The following OOEP variants were observed in gnomAD, a reference collection of about 807,000 sequenced individuals.
The protein encoded by OOEP is oocyte expressed protein.
Under a neutral mutation model 13.7 loss-of-function variants are expected in OOEP, and 16 were observed. The ratio of observed to expected loss-of-function variants is 1.16; its 90% confidence interval spans 0.79 to 1.77. The LOEUF (loss-of-function observed/expected upper bound fraction) is 1.77, where lower values mean the gene tolerates loss of function less well. Ranked by LOEUF, OOEP falls within the 40% of genes most tolerant of loss-of-function variation. The pLI is 0.00. For missense variants in OOEP, 195 were observed against 193.1 expected (o/e 1.01, Z -0.06); for synonymous variants, 89 against 77.1 (o/e 1.15, Z -0.81).
At chr6:73,373,355 C>CAAAAA, upstream of OOEP, 2 of 1,276,464 alleles carry the variant, frequency 1.6e-6, no homozygotes, top group Non-Finnish European at 2.3e-6. Context: ...GACAGGGTCT[C>CAAAAA]ACTCTGTCAC....
At chr6:73,373,292 C>T (rs966576610), upstream of OOEP, 80 of 1,574,496 alleles carry the variant, frequency 5.1e-5, 1 homozygote, top group Middle Eastern at 1.8e-4. Context: ...GAACACACCA[C>T]GATGGCGGAG....
chr6:73,383,923 C>G (rs1201633421), intron 2 of OOEP, among the ~76,000 whole-genome samples: 1 of 151,580 alleles, frequency 6.6e-6, no homozygotes, highest in Admixed American at 6.6e-5. Flanking sequence ...TAATGAAACC[C>G]CATCTCTACA....
At chr6:73,388,716 T>C (rs895780268) in intron 2 of OOEP, among the ~76,000 whole-genome samples, 1 of 152,238 alleles carries the variant, frequency 6.6e-6, no homozygotes, top group African/African-American at 2.4e-5. Context: ...CCCACATCCA[T>C]CTCACAGGAG....
upstream of OOEP, among the ~76,000 whole-genome samples, chr6:73,374,329 T>G (rs545837466): frequency 7.4e-4 from 113 of 152,312 alleles, no homozygotes; most frequent in African/African-American, 2.6e-3. Flanking sequence ...GGCCCCAGTA[T>G]GACTAGGCCC....
At chr6:73,377,137 G>A (rs1284612406) in intron 2 of OOEP, among the ~76,000 whole-genome samples, 1 of 152,182 alleles carries the variant, frequency 6.6e-6, no homozygotes, top group African/African-American at 2.4e-5. Context: ...TTATTACCAT[G>A]GGAGAGAGAA....
chr6:73,385,925 A>G (rs1769266632), intron 2 of OOEP, among the ~76,000 whole-genome samples: 1 of 152,066 alleles, frequency 6.6e-6, no homozygotes, highest in African/African-American at 2.4e-5. Flanking sequence ...ACATTATATA[A>G]GATACTTAAT....
At chr6:73,377,867 T>C (rs1769155643) in intron 2 of OOEP, among the ~76,000 whole-genome samples, 1 of 152,124 alleles carries the variant, frequency 6.6e-6, no homozygotes, top group African/African-American at 2.4e-5. Context: ...TAGAAACAAG[T>C]TCTTGCTATG....
At chr6:73,395,092 G>T in exon 1 of OOEP, 1 of 1,614,140 alleles carries the variant, frequency 6.2e-7, no homozygotes, top group Non-Finnish European at 8.5e-7. Flanking sequence ...GGCCGTGGCC[G>T]CTGGTCACGA....
intron 2 of OOEP, among the ~76,000 whole-genome samples, chr6:73,390,595 T>C (rs1344857917): frequency 4.0e-5 from 6 of 151,434 alleles, no homozygotes; most frequent in African/African-American, 1.2e-4. Flanking sequence ...TTTTTTTTTT[T>C]TTTGAGACGG....
chr6:73,371,767 A>T (rs1288125885), upstream of OOEP, among the ~76,000 whole-genome samples: 141 of 123,686 alleles, frequency 1.1e-3, 1 homozygote, highest in African/African-American at 3.7e-3. Context: ...AAAAAAAAAT[A>T]AAAATAAAAA....
chr6:73,380,645 A>C (rs1298944074), intron 2 of OOEP, among the ~76,000 whole-genome samples: 1 of 152,142 alleles, frequency 6.6e-6, no homozygotes, highest in African/African-American at 2.4e-5. Flanking sequence ...ATTACTTTGA[A>C]ATTTTCTTGA....
At position 73,369,857 on chromosome 6, in the gene OOEP, C is replaced by A. The variant is rs1582623248; in HGVS notation, c.-65G>T. 6.9e-7 allele frequency: 1 copy of A among 1,456,544 alleles called. No individual in the cohort carries two copies. Among genetic ancestry groups the A allele is most frequent in the Non-Finnish European group, 9.4e-7 (1 of 1,059,602 alleles). 90.2% of individuals were successfully genotyped at this position (1,456,544 alleles called of 1,614,324 possible). On this transcript the variant is annotated 5_prime_UTR_variant, in exon 1 of 3. Coordinates refer to ENST00000370359, the MANE Select transcript of OOEP (RefSeq NM_001080507.3). Reference sequence around the variant, plus strand: ...TCGCAAGACCTCTTCCAGACCCAGGCGCGAAGCTCGGGCTCTCTTTTACCA... The same window carrying A: ...TCGCAAGACCTCTTCCAGACCCAGGAGCGAAGCTCGGGCTCTCTTTTACCA...
chr6:73,385,210 G>A (rs1769254970), intron 2 of OOEP, among the ~76,000 whole-genome samples: 4 of 151,846 alleles, frequency 2.6e-5, no homozygotes, highest in Admixed American at 6.6e-5. Flanking sequence ...AGCCGGGTGT[G>A]GTGGCGGGTG....
chr6:73,369,371 T>C lies in OOEP; in HGVS notation c.205A>G (p.Ile69Val). 6.2e-7 allele frequency: 1 copy of C among 1,612,360 alleles called. No individual in the cohort carries two copies. The highest frequency in any genetic ancestry group is 8.5e-7 in the Non-Finnish European group (1 of 1,179,234). The change falls in exon 2 of 3, where the codon ATA becomes GTA. Residue 69 changes from isoleucine (I) to valine (V), a missense_variant. Transcript: ENST00000370359. ...ADELFGPDRA[I>V]IPEMEWTSQA... is the part of the protein sequence containing the mutation. ...CTCGTCCACTCCATTTCTGGAATTA[T>C]GGCTCGGTCTGGGCCTAAACAAGTA...
chr6:73,376,270 T>A (rs1343556367), intron 2 of OOEP, among the ~76,000 whole-genome samples: 1 of 151,944 alleles, frequency 6.6e-6, no homozygotes, highest in Non-Finnish European at 1.5e-5. Flanking sequence ...TTTCGTTTGT[T>A]TTTCTAAGTC....
chr6:73,380,173 C>T (rs570296364), intron 2 of OOEP, among the ~76,000 whole-genome samples: 39 of 151,968 alleles, frequency 2.6e-4, no homozygotes, highest in Non-Finnish European at 5.1e-4. Flanking sequence ...ATTAGTACCA[C>T]CACCAATCTC....
chr6:73,371,784 G>A (rs1769062929), upstream of OOEP, among the ~76,000 whole-genome samples: 1 of 151,286 alleles, frequency 6.6e-6, no homozygotes, highest in Admixed American at 6.6e-5. Flanking sequence ...AAAAAATTTG[G>A]CCAGTGTGTG....
upstream of OOEP, among the ~76,000 whole-genome samples, chr6:73,371,257 A>G (rs923003701): frequency 3.5e-4 from 54 of 152,310 alleles, no homozygotes; most frequent in African/African-American, 1.3e-3. Context: ...TGTGCAGGGC[A>G]TACTTACAGG....
intron 2 of OOEP, among the ~76,000 whole-genome samples, chr6:73,379,098 C>T (rs190195982): frequency 1.3e-5 from 2 of 151,850 alleles, no homozygotes; most frequent in Non-Finnish European, 2.9e-5. Flanking sequence ...GATCTCGGCT[C>T]ACTGCAACCT....
Sources: allele counts gnomAD v4.1 joint callset (sites outside exome capture counted in the v4.1 genomes callset), GRCh38; gene constraint gnomAD v4.1.1; transcripts MANE v1.5; gene names NCBI Gene and HGNC (gene_info 2026-07-23, HGNC 2026-07-21).